Variants in GALNT13 observed in about 807,000 individuals in gnomAD.
The protein encoded by GALNT13 is UDP-GalNAc:polypeptide N-acetylgalactosaminyltransferase 13.
Under a neutral mutation model 64.2 loss-of-function variants are expected in GALNT13, and 28 were observed. The observed-to-expected ratio is 0.44, with a 90% CI of 0.32 to 0.60. GALNT13 has a LOEUF of 0.60. GALNT13 is among the 20% of genes least tolerant of loss of function. The pLI, the probability that GALNT13 is intolerant of heterozygous loss-of-function variation, is 0.05. For synonymous variants in GALNT13, 214 were observed against 224.6 expected, an observed-to-expected ratio of 0.95 and a Z score of 0.42; for missense variants, 577 against 669.8, an observed-to-expected ratio of 0.86 and a Z score of 1.53.
At chr2:153,589,760 T>G in the GALNT13 span, among the ~76,000 whole-genome samples, 4 of 152,176 alleles carry the variant, frequency 2.6e-5, no homozygotes, top group Admixed American at 2.0e-4. Context: ...TTGTGAGACT[T>G]ATTCACTATC....
chr2:153,119,077 T>A, the GALNT13 span, among the ~76,000 whole-genome samples: 1 of 152,146 alleles, frequency 6.6e-6, no homozygotes, highest in African/African-American at 2.4e-5. Flanking sequence ...TGCCACCATG[T>A]GAAGAAGAAC....
chr2:153,335,944 G>C, the GALNT13 span, among the ~76,000 whole-genome samples: 1 of 152,212 alleles, frequency 6.6e-6, no homozygotes, highest in Non-Finnish European at 1.5e-5. Flanking sequence ...AGCTGTGCCA[G>C]CTGTGGCTGA....
chr2:153,631,304 A>T, the GALNT13 span, among the ~76,000 whole-genome samples: 1 of 152,186 alleles, frequency 6.6e-6, no homozygotes, highest in Non-Finnish European at 1.5e-5. Flanking sequence ...AGCATGATTT[A>T]TAATCGTTTG....
intron 4 of GALNT13, among the ~76,000 whole-genome samples, chr2:154,212,069 A>C (rs927421701): frequency 6.6e-6 from 1 of 152,206 alleles, no homozygotes; most frequent in African/African-American, 2.4e-5. Context: ...CTCTCCAAAG[A>C]AACTTTACTA....
the GALNT13 span, among the ~76,000 whole-genome samples, chr2:153,555,998 G>A: frequency 1.3e-5 from 2 of 152,118 alleles, no homozygotes; most frequent in African/African-American, 2.4e-5. Flanking sequence ...TTATTATAAT[G>A]GTTGCAAATG....
chr2:153,560,689 T>C, the GALNT13 span, among the ~76,000 whole-genome samples: 1 of 152,102 alleles, frequency 6.6e-6, no homozygotes, highest in Admixed American at 6.5e-5. Context: ...GCTCTTTCAA[T>C]TTATTAAATA....
chr2:153,201,692 C>T, the GALNT13 span: 1 of 152,118 alleles, frequency 6.6e-6, no homozygotes, highest in African/African-American at 2.4e-5. Context: ...TATTTTATAA[C>T]TTACATTGTA....
the GALNT13 span, among the ~76,000 whole-genome samples, chr2:153,851,672 G>A: frequency 5.9e-5 from 9 of 152,076 alleles, no homozygotes; most frequent in Non-Finnish European, 1.3e-4. Context: ...ACTTCAGCCT[G>A]TATGACAGAG....
intron 9 of GALNT13, among the ~76,000 whole-genome samples, chr2:154,383,840 G>A (rs925507563): frequency 9.9e-5 from 15 of 151,876 alleles, no homozygotes; most frequent in South Asian, 4.1e-4. Context: ...TTTAGTAAGT[G>A]TAGGTAGTAA....
the GALNT13 span, among the ~76,000 whole-genome samples, chr2:153,700,520 G>C: frequency 3.8e-4 from 58 of 152,036 alleles, no homozygotes; most frequent in East Asian, 4.7e-3. Context: ...AGAAATAAAG[G>C]GTATTCAAGT....
the GALNT13 span, among the ~76,000 whole-genome samples, chr2:153,153,663 CTTTTTTT>C: frequency 7.7e-6 from 1 of 129,762 alleles, no homozygotes; most frequent in South Asian, 2.5e-4. Context: ...TTCCCCATTG[CTTTTTTT>C]TTTTTTTTTG....
the GALNT13 span, among the ~76,000 whole-genome samples, chr2:153,267,469 C>G: frequency 6.6e-6 from 1 of 152,190 alleles, no homozygotes; most frequent in Non-Finnish European, 1.5e-5. Context: ...CCTGCAGGCC[C>G]AACACCACCT....
At chr2:153,757,169 T>A in the GALNT13 span, among the ~76,000 whole-genome samples, 1 of 152,132 alleles carries the variant, frequency 6.6e-6, no homozygotes, top group East Asian at 1.9e-4. Flanking sequence ...TTTATCAATA[T>A]CCACCTATTA....
chr2:153,944,016 G>T (rs2105384144), intron 2 of GALNT13, among the ~76,000 whole-genome samples: 1 of 152,240 alleles, frequency 6.6e-6, no homozygotes, highest in East Asian at 1.9e-4. Flanking sequence ...TTGTATCCCA[G>T]GATGATTTCT....
chr2:154,448,428 A>G (rs1228927803), intron 12 of GALNT13, among the ~76,000 whole-genome samples: 1 of 152,048 alleles, frequency 6.6e-6, no homozygotes, highest in Admixed American at 6.6e-5. Context: ...ATTTTCTGAC[A>G]AAGAACATGA....
the GALNT13 span, among the ~76,000 whole-genome samples, chr2:153,840,085 CTTGT>C: frequency 6.6e-6 from 1 of 151,922 alleles, no homozygotes; most frequent in Non-Finnish European, 1.5e-5. Context: ...GTAGTTATTG[CTTGT>C]TTATTAACCC....
intron 3 of GALNT13, among the ~76,000 whole-genome samples, chr2:154,016,676 A>G (rs569437196): frequency 1.3e-5 from 2 of 152,312 alleles, no homozygotes; most frequent in Non-Finnish European, 2.9e-5. Context: ...TCAGCCTCCA[A>G]AAATGCTGGG....
At chr2:153,665,165 TGAG>T in the GALNT13 span, among the ~76,000 whole-genome samples, 3 of 152,216 alleles carry the variant, frequency 2.0e-5, no homozygotes, top group Admixed American at 2.0e-4. Context: ...ACAATGGAAC[TGAG>T]GAGAAGAATG....
At chr2:154,443,611 T>A (rs1036626764) in intron 12 of GALNT13, among the ~76,000 whole-genome samples, 7 of 152,214 alleles carry the variant, frequency 4.6e-5, no homozygotes, top group Middle Eastern at 3.4e-3. Context: ...TCTATTTTTT[T>A]AAATTAGTAT....
Sources: allele counts gnomAD v4.1 joint callset (sites outside exome capture counted in the v4.1 genomes callset), GRCh38; gene constraint gnomAD v4.1.1; transcripts MANE v1.5; gene names NCBI Gene and HGNC (gene_info 2026-07-23, HGNC 2026-07-21).